Variants in GRM3 observed in about 807,000 individuals in gnomAD.
GRM3 encodes glutamate metabotropic receptor 3.
A neutral mutation model predicts 70.5 loss-of-function variants in GRM3; 26 were observed. The observed-to-expected ratio is 0.37, with a 90% CI of 0.27 to 0.51. GRM3 has a LOEUF of 0.51. GRM3 is among the 20% of genes least tolerant of loss of function. The pLI, the probability that GRM3 is intolerant of heterozygous loss-of-function variation, is 0.93. For missense variants in GRM3, 859 were observed against 1,123.8 expected, an observed-to-expected ratio of 0.76 and a Z score of 3.37; for synonymous variants, 443 against 434.9, an observed-to-expected ratio of 1.02 and a Z score of -0.23.
chr7:86,775,641 T>A (rs1796866152), intron 2 of GRM3, among the ~76,000 whole-genome samples: 1 of 152,118 alleles, frequency 6.6e-6, no homozygotes, highest in African/African-American at 2.4e-5. Flanking sequence ...TATAAAATTC[T>A]TAGTGGTCTC....
chr7:86,668,670 T>C (rs1411533211), intron 1 of GRM3, among the ~76,000 whole-genome samples: 3 of 152,128 alleles, frequency 2.0e-5, no homozygotes, highest in Admixed American at 1.3e-4. Flanking sequence ...CCTGCAAATA[T>C]ATTCCGAAAA....
At chr7:86,723,666 C>T (rs553971082) in intron 1 of GRM3, among the ~76,000 whole-genome samples, 1 of 152,248 alleles carries the variant, frequency 6.6e-6, no homozygotes, top group South Asian at 2.1e-4. Flanking sequence ...CAGGGCAGTT[C>T]TTTGAGGGAA....
chr7:86,765,713 A>G lies in GRM3; in HGVS notation c.468+100A>G, dbSNP rs893707765. Reference sequence around the variant, plus strand: ...ATCATAATAACGTCATCAACGGATTATATCAACAATGCAATTATTAATTTT... The same window carrying G: ...ATCATAATAACGTCATCAACGGATTGTATCAACAATGCAATTATTAATTTT... On this transcript the variant is annotated intron_variant, in intron 2 of 5. Coordinates refer to ENST00000361669, the MANE Select transcript of GRM3 (RefSeq NM_000840.3). 8 of 899,248 alleles carry G rather than the reference A, an allele frequency of 8.9e-6. No individual in the cohort carries two copies. In the African/African-American group the frequency reaches 1.2e-4, roughly 13 times the overall value. 55.7% of individuals were successfully genotyped at this position (899,248 alleles called of 1,614,324 possible).
intron 1 of GRM3, among the ~76,000 whole-genome samples, chr7:86,731,974 AT>A (rs1164278346): frequency 6.6e-6 from 1 of 152,190 alleles, no homozygotes; most frequent in Non-Finnish European, 1.5e-5. Flanking sequence ...GTTGAGCTTA[AT>A]TTAACTGTAT....
chr7:86,709,176 T>C (rs532717651), intron 1 of GRM3, among the ~76,000 whole-genome samples: 158 of 152,160 alleles, frequency 1.0e-3, no homozygotes, highest in African/African-American at 3.7e-3. Context: ...TTTCAGACCG[T>C]GAGTTTTTAA....
At chr7:86,846,853 T>C (rs548369694) in intron 4 of GRM3, among the ~76,000 whole-genome samples, 33 of 152,344 alleles carry the variant, frequency 2.2e-4, no homozygotes, top group African/African-American at 6.7e-4. Context: ...TTGGCGTTTC[T>C]TCCTCATTGT....
At chr7:86,691,950 G>C (rs576527037) in intron 1 of GRM3, among the ~76,000 whole-genome samples, 2 of 152,234 alleles carry the variant, frequency 1.3e-5, no homozygotes, top group African/African-American at 4.8e-5. Context: ...ATGTCCTACA[G>C]GCAATAAAAC....
intron 1 of GRM3, among the ~76,000 whole-genome samples, chr7:86,716,261 G>C (rs1490812122): frequency 1.3e-5 from 2 of 151,862 alleles, no homozygotes; most frequent in Non-Finnish European, 2.9e-5. Flanking sequence ...TTCTATGACA[G>C]AGTATGACAA....
chr7:86,860,612 C>T (rs766700922), intron 5 of GRM3, among the ~76,000 whole-genome samples: 21 of 152,138 alleles, frequency 1.4e-4, no homozygotes, highest in Non-Finnish European at 7.3e-5. Context: ...ATCTTCCTCT[C>T]AAAGAGTTTA....
chr7:86,718,345 C>T (rs750843155), intron 1 of GRM3, among the ~76,000 whole-genome samples: 10 of 151,928 alleles, frequency 6.6e-5, no homozygotes, highest in Admixed American at 6.6e-4. Flanking sequence ...AAACATTATA[C>T]TGTTTGCTTT....
chr7:86,826,059 C>A (rs1562875729), intron 3 of GRM3, among the ~76,000 whole-genome samples: 2 of 152,210 alleles, frequency 1.3e-5, no homozygotes, highest in African/African-American at 4.8e-5. Context: ...TGGGGAAAGC[C>A]TTTTTGCCCC....
At chr7:86,702,028 A>G (rs1336913934) in intron 1 of GRM3, among the ~76,000 whole-genome samples, 2 of 152,048 alleles carry the variant, frequency 1.3e-5, no homozygotes, top group African/African-American at 2.4e-5. Flanking sequence ...AGCCAAGACT[A>G]GACCTACATC....
At chr7:86,764,531 G>A (rs1796553892) in intron 1 of GRM3, among the ~76,000 whole-genome samples, 1 of 152,096 alleles carries the variant, frequency 6.6e-6, no homozygotes, top group Non-Finnish European at 1.5e-5. Context: ...AATGGTAACA[G>A]AGTTCATTGT....
At chr7:86,710,141 C>T (rs370670318) in intron 1 of GRM3, 1 of 152,046 alleles carries the variant, frequency 6.6e-6, no homozygotes, top group East Asian at 1.9e-4. Flanking sequence ...GAATAGGCTG[C>T]AAATGTAACT....
rs1038983228 is a variant in GRM3, at chr7:86,741,378, C to A, written c.-140-23628C>A. On this transcript the variant is annotated intron_variant, in intron 1 of 5. Transcript: ENST00000361669. ...ATCTCCCCCAGCAACCTCCACATGG[C>A]AACTTTAATTTCTTAAGTTATTGCT... Among the ~76,000 whole-genome samples the A allele has an allele frequency of 5.3e-5, 8 of 152,176 alleles. No individual in the cohort carries two copies. In the South Asian group the frequency reaches 6.2e-4, roughly 12 times the overall value.
chr7:86,667,867 C>G (rs944198924), intron 1 of GRM3, among the ~76,000 whole-genome samples: 1 of 152,120 alleles, frequency 6.6e-6, no homozygotes, highest in Non-Finnish European at 1.5e-5. Flanking sequence ...CAATTACCTA[C>G]CAAACCTTCT....
intron 2 of GRM3, among the ~76,000 whole-genome samples, chr7:86,772,060 T>C (rs762606260): frequency 3.9e-5 from 6 of 152,082 alleles, no homozygotes; most frequent in Non-Finnish European, 7.4e-5. Context: ...ACTAAGTAAA[T>C]ATAACTGTTC....
intron 1 of GRM3, among the ~76,000 whole-genome samples, chr7:86,686,366 A>G (rs141133665): frequency 6.6e-6 from 1 of 152,340 alleles, no homozygotes. Flanking sequence ...AGGTAGCCCC[A>G]GATGAGGGAA....
intron 1 of GRM3, among the ~76,000 whole-genome samples, chr7:86,685,923 A>AAG (rs1048389767): frequency 2.6e-5 from 4 of 151,814 alleles, no homozygotes; most frequent in African/African-American, 9.7e-5. Flanking sequence ...AAAAAAAAAA[A>AAG]AAATACTAAT....
Sources: allele counts gnomAD v4.1 joint callset (sites outside exome capture counted in the v4.1 genomes callset), GRCh38; gene constraint gnomAD v4.1.1; transcripts MANE v1.5; gene names NCBI Gene and HGNC (gene_info 2026-07-23, HGNC 2026-07-21).